ARMC6: variants seen among roughly 807,000 people sequenced by gnomAD.
ARMC6 encodes the protein armadillo repeat containing 6.
Under a neutral mutation model 49.2 loss-of-function variants are expected in ARMC6, and 43 were observed. The ratio of observed to expected loss-of-function variants is 0.87; its 90% CI spans 0.69 to 1.13. The LOEUF (loss-of-function observed/expected upper bound fraction) is 1.13, where lower values mean the gene tolerates loss of function less well. Ranked by LOEUF, ARMC6 falls within the 50% of genes most tolerant of loss-of-function variation. The pLI, the probability that ARMC6 is intolerant of heterozygous loss-of-function variation, is 0.00. For missense variants in ARMC6, 627 were observed against 682.0 expected (o/e 0.92, Z 0.90); for synonymous variants, 262 against 289.6 (o/e 0.90, Z 0.97).
Position 19,055,710 on chromosome 19 carries a change from A to G in ARMC6, c.1156-81A>G. 1 of 1,502,432 alleles carries G rather than the reference A, an allele frequency of 6.7e-7. No individual in the cohort carries two copies. The highest frequency in any genetic ancestry group is 1.3e-5 in the South Asian group (1 of 77,182). The allele number at this position is 1,502,432 out of a possible 1,614,324, so 93.1% of individuals were successfully genotyped here. On this transcript the variant is annotated intron_variant, in intron 7 of 8. Transcript: ENST00000535612. This position sits in a 1 kb window ranked among gnomAD's most constrained non-coding sequence, Gnocchi z 5.7. ...ACGGAGGGGAGGCCGCAGGGTGTTC[A>G]CCAGGGGTTGGTGGCCATGGCAGGA...
In ARMC6 at chr19:19,038,232, T is replaced by G. The variant is rs181082665; in HGVS notation, c.29+3994T>G. On this transcript the variant is annotated intron_variant, in intron 2 of 8. Transcript: ENST00000535612. ...CCTACATTACAGTGAATAGTATAAT[T>G]ATTATATTACAATGTAACAATAATA... Among the ~76,000 whole-genome samples, 44 of 152,322 alleles carry G rather than the reference T, an allele frequency of 2.9e-4. No homozygotes were observed. In the East Asian group the frequency reaches 8.3e-3, roughly 29 times the overall value.
In ARMC6 at chr19:19,055,764, C is replaced by A; in HGVS notation, c.1156-27C>A. The A allele has an allele frequency of 6.5e-7, 1 of 1,540,438 alleles. No individual in the cohort carries two copies. The highest frequency in any genetic ancestry group is 8.8e-7 in the Non-Finnish European group (1 of 1,133,342). On this transcript the variant is annotated intron_variant, in intron 7 of 8. Coordinates refer to ENST00000535612, the MANE Select transcript of ARMC6 (RefSeq NM_001199196.2). This position sits in a 1 kb window ranked among gnomAD's most constrained non-coding sequence, Gnocchi z 5.7. ...TGTGGGGGGTCTATCTGCTGCATCT[C>A]AGCCTTTCTGTGACTGGCCCCTGCA...
In ARMC6 at chr19:19,051,950, G is replaced by A. The variant is rs373198003; in HGVS notation, c.608G>A (p.Arg203His). ...DLTCSGIRCV[R>H]HACLKHEQNR... ...ACCTGCTCTGGGATCCGCTGTGTGC[G>A]TCACGCTTGCCTGAAACATGAACAG... The change falls in exon 5 of 9, where the codon CGT becomes CAT. Residue 203 changes from arginine to histidine, a missense_variant. Physicochemically the swap from Arg to His is conservative, Grantham distance 29. Transcript: ENST00000535612. 30 of 1,614,016 alleles carry A rather than the reference G, an allele frequency of 1.9e-5. No individual in the cohort carries two copies. The highest frequency in any genetic ancestry group is 6.7e-5 in the Admixed American group (4 of 60,002).
chr19:19,039,474 CCAT>C (rs1204415563), intron 2 of ARMC6: 7 of 388,648 alleles, frequency 1.8e-5, no homozygotes, highest in Admixed American at 9.0e-5. Context: ...AGTTGTACAA[CCAT>C]CATCACTATA....
At chr19:19,053,183 TCTC>T (rs1275485573) in intron 5 of ARMC6, among the ~76,000 whole-genome samples, 1 of 152,136 alleles carries the variant, frequency 6.6e-6, no homozygotes, top group Non-Finnish European at 1.5e-5. Flanking sequence ...TTCAAGGTCA[TCTC>T]CTCTACTTAA....
intron 5 of ARMC6, 53 bp from the exon 6 acceptor site, chr19:19,054,099 G>A: frequency 6.8e-7 from 1 of 1,460,328 alleles, no homozygotes; most frequent in South Asian, 1.4e-5. Flanking sequence ...AAAACAGAGG[G>A]CCCTGCGGCT....
At chr19:19,042,594 T>G in intron 2 of ARMC6, 117 bp from the exon 3 acceptor site, 1 of 964,568 alleles carries the variant, frequency 1.0e-6, no homozygotes, top group East Asian at 2.6e-5. Flanking sequence ...TTCTCCAGGG[T>G]GGTTGTAGGG....
chr19:19,055,123 T>C lies in ARMC6; in HGVS notation c.1024-142T>C. The C allele has an allele frequency of 9.0e-7, 1 of 1,117,288 alleles. No homozygotes were observed. Among genetic ancestry groups the C allele is most frequent in the Non-Finnish European group, 1.2e-6 (1 of 813,084 alleles). 69.2% of individuals were successfully genotyped at this position (1,117,288 alleles called of 1,614,324 possible). A position where few individuals can be genotyped will look rare whatever the true frequency, so the allele number is the denominator to read the frequency against. On this transcript the variant is annotated intron_variant, in intron 6 of 8. Coordinates refer to ENST00000535612, the MANE Select transcript of ARMC6 (RefSeq NM_001199196.2). This position sits in a 1 kb window ranked among gnomAD's most constrained non-coding sequence, Gnocchi z 5.7. ...ACAGGCAGCCTGAGCCACAGGCATCTGCCACCCCTTCTCGTTAGTCACACC... is the reference window on the plus strand; with the variant it reads ...ACAGGCAGCCTGAGCCACAGGCATCCGCCACCCCTTCTCGTTAGTCACACC...
rs529836780 is a variant in ARMC6, at chr19:19,050,095, C to T, written c.280-1527C>T. On this transcript the variant is annotated intron_variant, in intron 4 of 8. Transcript: ENST00000535612. ...TTGGTGACTGTCTTATTTCACTTAG[C>T]GTAATGTCCTCAAGGTATATCCATA... Among the ~76,000 whole-genome samples the T allele has an allele frequency of 3.9e-5, 6 of 152,270 alleles. No individual in the cohort carries two copies. The South Asian group carries it at 1.0e-3, about 26-fold the overall frequency.
intron 5 of ARMC6, among the ~76,000 whole-genome samples, chr19:19,052,575 C>T (rs550338907): frequency 2.0e-5 from 3 of 152,274 alleles, no homozygotes; most frequent in African/African-American, 2.4e-5. Context: ...TGTGTACACG[C>T]TTGATCATAT....
chr19:19,033,786 A>T lies in ARMC6; in HGVS notation c.-224A>T. ...CCTTGGTTCGCGGTCGTCCTTGGTT[A>T]TCGTGAGCGTCCGCGAGTCTCTGGG... On this transcript the variant is annotated 5_prime_UTR_variant, in exon 1 of 9. Coordinates refer to ENST00000535612, the MANE Select transcript of ARMC6 (RefSeq NM_001199196.2). 8.1e-6 allele frequency: 2 copies of T among 247,892 alleles called. No individual in the cohort carries two copies. 15.4% of individuals were successfully genotyped at this position (247,892 alleles called of 1,614,324 possible). A position where few individuals can be genotyped will look rare whatever the true frequency, so the allele number is the denominator to read the frequency against.
At chr19:19,034,400 C>T (rs1599622537) in intron 2 of ARMC6, among the ~76,000 whole-genome samples, 162 bp downstream of exon 2, 1 of 152,064 alleles carries the variant, frequency 6.6e-6, no homozygotes, top group African/African-American at 2.4e-5. Flanking sequence ...GATAAGGAGG[C>T]TGGGTTTTGT....
intron 2 of ARMC6, chr19:19,040,883 T>C (rs8104799): frequency 0.75 from 198,704 of 264,462 alleles, 74,712 homozygotes; most frequent in East Asian, 0.89. Flanking sequence ...CTACCAGGCA[T>C]CCCTTAGGGT....
intron 4 of ARMC6, among the ~76,000 whole-genome samples, chr19:19,048,162 A>G (rs914278632): frequency 1.3e-5 from 2 of 152,132 alleles, no homozygotes; most frequent in African/African-American, 4.8e-5. Flanking sequence ...CCTGGCCAAC[A>G]TGATGAAACC....
At position 19,044,422 on chromosome 19, in the gene ARMC6, G is replaced by A. The variant is rs552467982; in HGVS notation, c.279+348G>A. Among the ~76,000 whole-genome samples, 5 of 152,326 alleles carry A rather than the reference G, an allele frequency of 3.3e-5. No homozygotes were observed. In the East Asian group the frequency reaches 9.6e-4, roughly 29 times the overall value. On this transcript the variant is annotated intron_variant, in intron 4 of 8. Coordinates refer to ENST00000535612, the MANE Select transcript of ARMC6 (RefSeq NM_001199196.2). ...CATAGGACGAGAGAGTGGGCTCACA[G>A]TAAGGCTGTCACTTACTGAGCACTG... is the stretch of plus-strand genomic sequence containing the variant.
In ARMC6 at chr19:19,055,139, TAGTCACACCCTGC is replaced by T. The variant is rs966043341; in HGVS notation, c.1024-116_1024-104del. On this transcript the variant is annotated intron_variant, in intron 6 of 8. Coordinates refer to ENST00000535612, the MANE Select transcript of ARMC6 (RefSeq NM_001199196.2). The surrounding 1 kb of genome is among the most constrained non-coding windows in gnomAD (Gnocchi z 5.7). ...ACAGGCATCTGCCACCCCTTCTCGT[TAGTCACACCCTGC>T]AGTCACACCATACCTGTTGGTCAAA... is the stretch of plus-strand genomic sequence containing the variant. 43 of 1,262,754 alleles carry T rather than the reference TAGTCACACCCTGC, an allele frequency of 3.4e-5. No individual in the cohort carries two copies. The South Asian group carries it at 4.1e-4, about 12-fold the overall frequency. The allele number at this position is 1,262,754 out of a possible 1,614,324, so 78.2% of individuals were successfully genotyped here. A position where few individuals can be genotyped will look rare whatever the true frequency, so the allele number is the denominator to read the frequency against.
chr19:19,037,569 G>C, intron 2 of ARMC6: 1 of 975,382 alleles, frequency 1.0e-6, no homozygotes, highest in Non-Finnish European at 1.4e-6. Flanking sequence ...GTTTCGCCAC[G>C]TGTCCAGGCT....
chr19:19,039,374 C>T (rs12979565), intron 2 of ARMC6: 320,702 of 450,946 alleles, frequency 0.71, 116,304 homozygotes, highest in East Asian at 0.88. Flanking sequence ...AGACTTGAAA[C>T]AGTCCTCCCA....
chr19:19,039,414 G>A, intron 2 of ARMC6: 1 of 451,858 alleles, frequency 2.2e-6, no homozygotes, highest in Non-Finnish European at 4.4e-6. Context: ...TGGGATCACA[G>A]GTGTGAGCCA....
Sources: gnomAD v4.1 joint callset for allele counts (sites outside exome capture counted in the v4.1 genomes callset) on GRCh38, gnomAD v4.1.1 for gene constraint, Gnocchi (gnomAD v3.1) non-coding constraint, MANE v1.5 for transcripts, NCBI Gene and HGNC (gene_info 2026-07-23, HGNC 2026-07-21) for gene names.